The following TRPM1 variants were observed in gnomAD, a reference collection of about 807,000 sequenced individuals.
TRPM1 encodes the protein TRPM1-203 APA Isoform, Intron 10.
A neutral mutation model predicts 149.4 loss-of-function variants in TRPM1; 113 were observed. The ratio of observed to expected loss-of-function variants is 0.76; its 90% CI spans 0.65 to 0.88. The LOEUF is 0.88. Ranked by LOEUF, TRPM1 falls within the 40% of genes least tolerant of loss-of-function variation. The probability of loss-of-function intolerance (pLI) is 0.00; values close to 1 mark genes in which losing one functional copy is unlikely to be tolerated. For synonymous variants in TRPM1, 741 were observed against 759.5 expected (o/e 0.98, Z 0.40); for missense variants, 1,976 against 2,038.7 (o/e 0.97, Z 0.59).
intron 2 of TRPM1, among the ~76,000 whole-genome samples, chr15:31,077,881 G>A (rs2034752816): frequency 1.3e-5 from 2 of 151,998 alleles, no homozygotes; most frequent in Admixed American, 1.3e-4. Context: ...TGTTTGTGAT[G>A]TGTGTGTGGT....
chr15:31,088,524 C>A (rs563350911), intron 1 of TRPM1, among the ~76,000 whole-genome samples: 1 of 152,304 alleles, frequency 6.6e-6, no homozygotes, highest in East Asian at 1.9e-4. Flanking sequence ...CTGGATGCGC[C>A]ACCTTTAAGA....
chr15:31,067,120 A>T lies in TRPM1; in HGVS notation c.561T>A (p.Ala187=). Residue 187 remains alanine (A), a synonymous_variant, in exon 6 of 28, where the codon GCT becomes GCA. Transcript: ENST00000256552. ...HSSKSRGRVC[A]IGIAPWGIVE... is the part of the protein sequence containing the mutation. ...CGATGCCCCATGGAGCAATTCCTAT[A>T]GCACAAACCCGGCCTCTGGACTTGG... The T allele has an allele frequency of 6.2e-7, 1 of 1,614,128 alleles. No homozygotes were observed. The highest frequency in any genetic ancestry group is 8.5e-7 in the Non-Finnish European group (1 of 1,180,018).
At chr15:31,117,663 A>T (rs867311400) in intron 1 of TRPM1, among the ~76,000 whole-genome samples, 13 of 47,102 alleles carry the variant, frequency 2.8e-4, no homozygotes, top group African/African-American at 7.0e-4. Flanking sequence ...AAAAAAAAAA[A>T]ATACACACAC....
chr15:31,122,131 C>T (rs1272541868), intron 1 of TRPM1, among the ~76,000 whole-genome samples: 6 of 152,142 alleles, frequency 3.9e-5, no homozygotes, highest in South Asian at 2.1e-4. Flanking sequence ...AAATCCAATA[C>T]CTGTATATAA....
chr15:31,033,052 C>T, intron 21 of TRPM1, 112 bp from the exon 22 acceptor site: 1 of 1,462,856 alleles, frequency 6.8e-7, no homozygotes, highest in South Asian at 1.1e-5. Flanking sequence ...GGCCCCTTTC[C>T]TACTCAAAAC....
Position 31,061,514 on chromosome 15 carries a change from C to T in TRPM1, c.1090G>A (p.Val364Ile), listed in dbSNP as rs1374928993. ...TCAGAACCCATTCTGAACACAGTGA[C>T]CTGAAAATGTGAAAAGACTGAATTA... ...IMECMKKKEL[V>I]TVFRMGSEGQ... The change falls in exon 10 of 28, where the codon GTC (valine) becomes ATC (isoleucine). Residue 364 changes from valine (V) to isoleucine (I), a missense_variant and splice_region_variant. This residue lies in a region of TRPM1 where 1,332 missense variants were observed against 1,347.1 expected (regional missense o/e 0.99). Transcript: ENST00000256552. The T allele has an allele frequency of 6.2e-7, 1 of 1,613,888 alleles. No homozygotes were observed. Among genetic ancestry groups the T allele is most frequent in the African/African-American group, 1.3e-5 (1 of 74,850 alleles).
chr15:31,085,312 T>A (rs1044931087), intron 1 of TRPM1, among the ~76,000 whole-genome samples: 3 of 152,242 alleles, frequency 2.0e-5, no homozygotes, highest in African/African-American at 7.2e-5. Context: ...CATTTTCCAA[T>A]GGCACTGCTG....
Position 31,035,593 on chromosome 15 carries a change from T to G in TRPM1, c.2653A>C (p.Ile885Leu), listed in dbSNP as rs201650867. 1.6e-4 allele frequency: 264 copies of G among 1,614,070 alleles called. No homozygotes were observed. The highest frequency in any genetic ancestry group is 2.2e-4 in the Non-Finnish European group (256 of 1,180,042). Reference sequence around the variant, plus strand: ...AGGCTCACGATGTAGGAGATGACGATCCACTCCTGGAGGGACGGCCAGCCA... The same window carrying G: ...AGGCTCACGATGTAGGAGATGACGAGCCACTCCTGGAGGGACGGCCAGCCA... ...MDGWPSLQEW[I>L]VISYIVSLAL... Residue 885 changes from isoleucine to leucine, a missense_variant, in exon 21 of 28, where the codon ATC becomes CTC. Ile to Leu is a conservative substitution (Grantham distance 5). This residue lies in a region of TRPM1 where 1,332 missense variants were observed against 1,347.1 expected (regional missense o/e 0.99). Coordinates refer to ENST00000256552, the MANE Select transcript of TRPM1 (RefSeq NM_001252024.2).
At chr15:31,154,331 C>A (rs2036340579) in intron 1 of TRPM1, among the ~76,000 whole-genome samples, 1 of 152,224 alleles carries the variant, frequency 6.6e-6, no homozygotes, top group African/African-American at 2.4e-5. Context: ...GTGAGGGTGG[C>A]ATGGGGTGTG....
chr15:31,130,933 C>A (rs879637222), intron 1 of TRPM1, among the ~76,000 whole-genome samples: 3 of 152,202 alleles, frequency 2.0e-5, no homozygotes, highest in Non-Finnish European at 2.9e-5. Context: ...CATTGCAATT[C>A]CCCTGTCTTG....
intron 1 of TRPM1, among the ~76,000 whole-genome samples, chr15:31,145,944 CA>C (rs1037059131): frequency 6.6e-6 from 1 of 151,558 alleles, no homozygotes; most frequent in East Asian, 1.9e-4. Context: ...AACAAAAACG[CA>C]AAAAACATCT....
chr15:31,160,752 G>A (rs2036433994), intron 1 of TRPM1, among the ~76,000 whole-genome samples: 1 of 152,198 alleles, frequency 6.6e-6, no homozygotes, highest in Non-Finnish European at 1.5e-5. Context: ...ACCCTGACGT[G>A]AGAGCTCTGA....
intron 3 of TRPM1, among the ~76,000 whole-genome samples, chr15:31,070,918 G>A (rs147194913): frequency 1.4e-4 from 21 of 152,260 alleles, no homozygotes; most frequent in Admixed American, 2.0e-4. Context: ...ATGCTAAAAG[G>A]CTATTTCAAA....
upstream of TRPM1, among the ~76,000 whole-genome samples, chr15:31,103,565 C>T (rs1012051624): frequency 1.3e-5 from 2 of 152,158 alleles, no homozygotes; most frequent in African/African-American, 4.8e-5. Flanking sequence ...GCAATTCCAG[C>T]ACTTTGGGAG....
Position 31,063,216 on chromosome 15 carries a change from G to C in TRPM1, c.867C>G (p.Tyr289Ter). The change falls in exon 8 of 28, where the codon TAC becomes TAG. Residue 289 changes from tyrosine (Y) to a stop codon, truncating the protein, a stop_gained. Coordinates refer to ENST00000256552, the MANE Select transcript of TRPM1 (RefSeq NM_001252024.2). LOFTEE classifies it high-confidence loss of function. ...GPNVVSIVLE[Y>*]LQEEPPIPVV... is the part of the protein sequence containing the mutation. ...CAGGGATGGGAGGCTCTTCTTGCAGGTATTCCAAGACGATGGACACCACGT... is the reference window on the plus strand; with the variant it reads ...CAGGGATGGGAGGCTCTTCTTGCAGCTATTCCAAGACGATGGACACCACGT... 1 of 1,614,152 alleles carries C rather than the reference G, an allele frequency of 6.2e-7. No individual in the cohort carries two copies. Among genetic ancestry groups the C allele is most frequent in the Non-Finnish European group, 8.5e-7 (1 of 1,180,032 alleles).
chr15:31,068,126 C>T (rs2034434685), intron 4 of TRPM1, 34 bp from the exon 5 acceptor site: 2 of 1,589,242 alleles, frequency 1.3e-6, no homozygotes, highest in African/African-American at 1.3e-5. Context: ...AGCCTCTGTT[C>T]TTGGTTTTGC....
chr15:31,141,070 G>A (rs112800152), intron 1 of TRPM1, among the ~76,000 whole-genome samples: 2,797 of 151,612 alleles, frequency 0.018, 89 homozygotes, highest in African/African-American at 0.065. Flanking sequence ...AGCCTCAAGC[G>A]ATCCGCCCCC....
At chr15:31,041,855 C>T (rs2033626788) in intron 17 of TRPM1, 96 bp downstream of exon 17, 3 of 1,329,892 alleles carry the variant, frequency 2.3e-6, no homozygotes, top group East Asian at 2.3e-5. Context: ...CCACCATTGT[C>T]CTTAAGTGAG....
intron 3 of TRPM1, among the ~76,000 whole-genome samples, chr15:31,074,918 A>G (rs1217316478): frequency 6.6e-6 from 1 of 151,942 alleles, no homozygotes; most frequent in Non-Finnish European, 1.5e-5. Context: ...ACCTTCTGAC[A>G]TTTTCTTTAA....
Sources: allele counts gnomAD v4.1 joint callset (sites outside exome capture counted in the v4.1 genomes callset), GRCh38; gene constraint gnomAD v4.1.1; regional missense constraint gnomAD v4.1.1; transcripts MANE v1.5; gene names NCBI Gene and HGNC (gene_info 2026-07-23, HGNC 2026-07-21).